Variants in MAP2 observed in about 807,000 individuals in gnomAD.
MAP2 encodes the protein microtubule associated protein 2.
A neutral mutation model predicts 137.6 loss-of-function variants in MAP2; 14 were observed. The observed-to-expected ratio is 0.10, with a 90% CI of 0.07 to 0.16. MAP2 has a LOEUF of 0.16. MAP2 is among the 10% of genes least tolerant of loss of function. MAP2 has a pLI of 1.00. For missense variants in MAP2, 2,088 were observed against 2,191.5 expected (o/e 0.95, Z 0.94); for synonymous variants, 786 against 782.3 (o/e 1.00, Z -0.08).
Position 209,426,066 on chromosome 2 carries a change from G to C in MAP2, c.-222+1790G>C, listed in dbSNP as rs144806335. Among the ~76,000 whole-genome samples, 166 of 152,176 alleles carry C rather than the reference G, an allele frequency of 1.1e-3. 1 individual carries two copies. The highest frequency in any genetic ancestry group is 5.4e-4 in the Non-Finnish European group (37 of 67,996). On this transcript the variant is annotated intron_variant, in intron 1 of 15. Transcript: ENST00000682079. ...TGTGTATGTTTATGTTGATTTCCTG[G>C]TAATTTCATCTGATTATCATAGGTG...
intron 2 of MAP2, among the ~76,000 whole-genome samples, chr2:209,570,668 T>C (rs1004501452): frequency 6.6e-6 from 1 of 151,894 alleles, no homozygotes; most frequent in African/African-American, 2.4e-5. Context: ...TTGGCGATTC[T>C]GAGAAAGGAA....
chr2:209,613,172 A>G (rs1389467292), intron 3 of MAP2, among the ~76,000 whole-genome samples: 1 of 152,206 alleles, frequency 6.6e-6, no homozygotes, highest in Non-Finnish European at 1.5e-5. Context: ...TATGCTAACT[A>G]GACAGAACCA....
rs1364253907 is a variant in MAP2, at chr2:209,644,421, A to G, written c.-29-8721A>G. ...GAAATGGAGTTAGAACTTGAATTCC[A>G]TACTTCTACCATGACAGCCCTGAAA... On this transcript the variant is annotated intron_variant, in intron 4 of 15. Transcript: ENST00000682079. 3.3e-5 allele frequency among the ~76,000 whole-genome samples: 5 copies of G among 152,100 alleles called. 1 individual carries two copies. Among genetic ancestry groups the G allele is most frequent in the African/African-American group, 1.2e-4 (5 of 41,420 alleles).
chr2:209,554,603 C>T (rs1049000706), intron 2 of MAP2, among the ~76,000 whole-genome samples: 8 of 151,908 alleles, frequency 5.3e-5, no homozygotes, highest in East Asian at 1.9e-4. Flanking sequence ...GCCTGGACAA[C>T]GTGGTGAAGC....
intron 2 of MAP2, among the ~76,000 whole-genome samples, chr2:209,553,396 C>T (rs2069701394): frequency 6.6e-6 from 1 of 152,022 alleles, no homozygotes; most frequent in Non-Finnish European, 1.5e-5. Flanking sequence ...CTGGTGTTGC[C>T]TGGTTCATAA....
At chr2:209,555,651 T>C (rs2070391521) in intron 2 of MAP2, among the ~76,000 whole-genome samples, 1 of 152,216 alleles carries the variant, frequency 6.6e-6, no homozygotes, top group Admixed American at 6.5e-5. Context: ...CTCAAGTTTA[T>C]TTCTTTTATT....
At chr2:209,639,172 A>G (rs1174266030) in intron 4 of MAP2, among the ~76,000 whole-genome samples, 1 of 152,108 alleles carries the variant, frequency 6.6e-6, no homozygotes, top group Non-Finnish European at 1.5e-5. Context: ...GCCTGGCATC[A>G]GCACAAATTT....
intron 13 of MAP2, chr2:209,710,722 A>G (rs748957224): frequency 1.9e-4 from 30 of 158,750 alleles, no homozygotes; most frequent in Non-Finnish European, 3.9e-4. Flanking sequence ...AGGATGTTTC[A>G]CCGAGTTTCA....
chr2:209,602,129 C>T (rs1038709301), intron 3 of MAP2, among the ~76,000 whole-genome samples: 2 of 152,110 alleles, frequency 1.3e-5, no homozygotes, highest in Non-Finnish European at 2.9e-5. Context: ...GAAAGGAAAT[C>T]GACCAATATG....
Position 209,710,068 on chromosome 2 carries a change from A to G in MAP2, c.4887A>G (p.Pro1629=). Residue 1629 remains proline (P), a synonymous_variant, in exon 13 of 16, where the codon CCA becomes CCG. Coordinates refer to ENST00000682079, the MANE Select transcript of MAP2 (RefSeq NM_001375505.1). ...TPSYPRTPHT[P]GTPKSAILVP... is the part of the protein sequence containing the mutation. ...GCTATCCCAGGACCCCTCACACACC[A>G]GGAACCCCCAAGTCTGCCATCTTGG... The G allele has an allele frequency of 6.2e-7, 1 of 1,613,952 alleles. No homozygotes were observed. Among genetic ancestry groups the G allele is most frequent in the Non-Finnish European group, 8.5e-7 (1 of 1,179,988 alleles).
intron 7 of MAP2, among the ~76,000 whole-genome samples, chr2:209,691,602 A>T (rs2058921661): frequency 6.6e-6 from 1 of 152,220 alleles, no homozygotes; most frequent in South Asian, 2.1e-4. Flanking sequence ...AGCTCTAATG[A>T]CCACAGTGAA....
At chr2:209,563,129 T>C (rs2072563984) in intron 2 of MAP2, among the ~76,000 whole-genome samples, 1 of 152,196 alleles carries the variant, frequency 6.6e-6, no homozygotes, top group Admixed American at 6.5e-5. Flanking sequence ...GTTTTGATTA[T>C]ATACAGAATA....
intron 1 of MAP2, among the ~76,000 whole-genome samples, chr2:209,427,059 A>G (rs2149239466): frequency 6.6e-6 from 1 of 152,350 alleles, no homozygotes; most frequent in South Asian, 2.1e-4. Context: ...ATTTGCTTAT[A>G]GGACAATAGG....
chr2:209,536,529 C>T (rs547830608), intron 2 of MAP2, among the ~76,000 whole-genome samples: 14 of 152,188 alleles, frequency 9.2e-5, no homozygotes, highest in East Asian at 5.8e-4. Flanking sequence ...CCACACACCA[C>T]GCAACTCTTT....
At chr2:209,675,456 G>A (rs2050908180) in intron 5 of MAP2, among the ~76,000 whole-genome samples, 1 of 151,786 alleles carries the variant, frequency 6.6e-6, no homozygotes, top group South Asian at 2.1e-4. Flanking sequence ...GGCTGATACA[G>A]TGCCTTTGTT....
At chr2:209,583,928 C>T (rs1467323758) in intron 3 of MAP2, among the ~76,000 whole-genome samples, 2 of 151,954 alleles carry the variant, frequency 1.3e-5, no homozygotes, top group African/African-American at 2.4e-5. Flanking sequence ...CCTTCCTTCC[C>T]TCTGCGCTTT....
At chr2:209,651,414 G>T (rs2094790464) in intron 4 of MAP2, among the ~76,000 whole-genome samples, 2 of 152,210 alleles carry the variant, frequency 1.3e-5, no homozygotes, top group African/African-American at 2.4e-5. Context: ...TGCCAATGTT[G>T]TATATGTAAT....
intron 2 of MAP2, among the ~76,000 whole-genome samples, chr2:209,574,431 A>G (rs1219101115): frequency 1.1e-5 from 1 of 92,786 alleles, no homozygotes; most frequent in African/African-American, 4.4e-5. Context: ...CATAGTATAG[A>G]TACACACACA....
chr2:209,694,644 A>G lies in MAP2; in HGVS notation c.2474A>G (p.Asp825Gly), dbSNP rs780854358. ...TCAAGATTGGCTTCTGTGAGTGCAG[A>G]TGCTGAGGTTGCCAGGAGGAAATCA... ...TRSRLASVSA[D>G]AEVARRKSVP... The change falls in exon 8 of 16, where the codon GAT becomes GGT. Residue 825 changes from aspartate (D) to glycine (G), a missense_variant. This residue lies in a region of MAP2 where 500 missense variants were observed against 482.9 expected (regional missense o/e 1.04). Coordinates refer to ENST00000682079, the MANE Select transcript of MAP2 (RefSeq NM_001375505.1). 1 of 1,614,160 alleles carries G rather than the reference A, an allele frequency of 6.2e-7. No homozygotes were observed. The highest frequency in any genetic ancestry group is 8.5e-7 in the Non-Finnish European group (1 of 1,180,034).
Sources: gnomAD v4.1 joint callset for allele counts (sites outside exome capture counted in the v4.1 genomes callset) on GRCh38, gnomAD v4.1.1 for gene constraint, gnomAD v4.1.1 regional missense constraint, MANE v1.5 for transcripts, NCBI Gene and HGNC (gene_info 2026-07-23, HGNC 2026-07-21) for gene names.